Variants in CNTNAP5 observed in about 807,000 individuals in gnomAD.
CNTNAP5 encodes contactin-associated protein-like 5.
CNTNAP5 carries 72 observed loss-of-function variants against 150.2 expected under a neutral mutation model. That is an observed-to-expected ratio of 0.48 (90% CI 0.40 to 0.58). CNTNAP5 has a LOEUF of 0.58. Among genes scored for constraint, CNTNAP5 ranks in the 20% least tolerant of loss-of-function variants. The pLI, the probability that CNTNAP5 is intolerant of heterozygous loss-of-function variation, is 0.00. For synonymous variants in CNTNAP5, 672 were observed against 619.8 expected (o/e 1.08, Z -1.25); for missense variants, 1,636 against 1,626.2 (o/e 1.01, Z -0.10).
At chr2:124,803,448 T>C (rs1358257760) in intron 19 of CNTNAP5, among the ~76,000 whole-genome samples, 1 of 152,228 alleles carries the variant, frequency 6.6e-6, no homozygotes, top group Non-Finnish European at 1.5e-5. Context: ...ATCTTCTTTG[T>C]TGATAGAAAT....
chr2:124,484,041 C>T (rs1022952516), intron 7 of CNTNAP5, among the ~76,000 whole-genome samples: 2 of 152,156 alleles, frequency 1.3e-5, no homozygotes, highest in Non-Finnish European at 2.9e-5. Flanking sequence ...TTTCTTTCAC[C>T]ACAACTCCAG....
intron 3 of CNTNAP5, among the ~76,000 whole-genome samples, chr2:124,250,800 A>G (rs1215639373): frequency 1.4e-5 from 2 of 146,944 alleles, no homozygotes; most frequent in East Asian, 4.0e-4. Flanking sequence ...TCTCTCAAGT[A>G]TTTTTTTTTT....
At chr2:124,552,326 C>T (rs1307408684) in intron 10 of CNTNAP5, among the ~76,000 whole-genome samples, 2 of 152,202 alleles carry the variant, frequency 1.3e-5, no homozygotes, top group Non-Finnish European at 2.9e-5. Flanking sequence ...CACTACACCC[C>T]TCGTGAGTAC....
intron 11 of CNTNAP5, among the ~76,000 whole-genome samples, chr2:124,603,002 TCTCCCTCCCTCC>T (rs55819925): frequency 6.5e-5 from 9 of 137,632 alleles, no homozygotes; most frequent in African/African-American, 1.1e-4. Flanking sequence ...ATCTTCCCTC[TCTCCCTCCCTCC>T]CTCCCTCCCT....
At chr2:124,034,223 G>A (rs764048803) in intron 1 of CNTNAP5, among the ~76,000 whole-genome samples, 9 of 152,172 alleles carry the variant, frequency 5.9e-5, no homozygotes, top group Non-Finnish European at 1.2e-4. Context: ...AAGTCTGTAA[G>A]TATGAGTGGC....
rs76285946 is a variant in CNTNAP5 at position 124,370,560 on chromosome 2, T to A, written c.382-46883T>A. 2.4e-3 allele frequency among the ~76,000 whole-genome samples: 362 copies of A among 152,266 alleles called. 1 individual carries two copies. Among genetic ancestry groups the A allele is most frequent in the African/African-American group, 8.3e-3 (347 of 41,558 alleles). ...TGAGAGAAAACTGAACTCTTGCAGA[T>A]GCAAGATGTTTTAATCTACCTTCCA... On this transcript the variant is annotated intron_variant, in intron 3 of 23. Coordinates refer to ENST00000682447, the MANE Select transcript of CNTNAP5 (RefSeq NM_001367498.1).
intron 1 of CNTNAP5, among the ~76,000 whole-genome samples, chr2:124,153,603 CTTTTTTTTTTTTT>C (rs948493792): frequency 4.7e-5 from 4 of 85,096 alleles, no homozygotes; most frequent in Non-Finnish European, 9.0e-5. Context: ...CCCCCCGGGA[CTTTTTTTTTTTTT>C]TTTTTTTTTT....
At chr2:124,735,140 C>T (rs1272561690) in intron 13 of CNTNAP5, among the ~76,000 whole-genome samples, 1 of 152,118 alleles carries the variant, frequency 6.6e-6, no homozygotes, top group East Asian at 1.9e-4. Context: ...CCCCTTTCCT[C>T]CACAATAATT....
intron 12 of CNTNAP5, among the ~76,000 whole-genome samples, chr2:124,641,476 A>C (rs979478350): frequency 1.3e-5 from 2 of 152,216 alleles, no homozygotes; most frequent in Non-Finnish European, 2.9e-5. Flanking sequence ...AGGGAGAAAC[A>C]TATGAAAAAT....
chr2:124,262,651 G>GTT (rs576536938), intron 3 of CNTNAP5, among the ~76,000 whole-genome samples: 8 of 142,014 alleles, frequency 5.6e-5, no homozygotes, highest in African/African-American at 1.3e-4. Context: ...ACAGCATTCT[G>GTT]TTTTTTTTTT....
At chr2:124,894,102 A>G (rs1167632355) in intron 21 of CNTNAP5, among the ~76,000 whole-genome samples, 1 of 152,148 alleles carries the variant, frequency 6.6e-6, no homozygotes, top group African/African-American at 2.4e-5. Flanking sequence ...TTGCCTACCC[A>G]GCATCCATTT....
chr2:124,519,803 G>A (rs1694811918), intron 8 of CNTNAP5, among the ~76,000 whole-genome samples: 1 of 152,140 alleles, frequency 6.6e-6, no homozygotes, highest in Non-Finnish European at 1.5e-5. Flanking sequence ...TCTCTATGGA[G>A]AAAATTTTCC....
At chr2:124,661,337 TTTAATC>T (rs1205445891) in intron 13 of CNTNAP5, among the ~76,000 whole-genome samples, 6 of 152,294 alleles carry the variant, frequency 3.9e-5, no homozygotes, top group Non-Finnish European at 7.4e-5. Context: ...TTTTTAATCT[TTTAATC>T]TTATTTTTAC....
At chr2:124,257,005 T>C (rs556282965) in intron 3 of CNTNAP5, among the ~76,000 whole-genome samples, 2 of 152,028 alleles carry the variant, frequency 1.3e-5, no homozygotes, top group Non-Finnish European at 2.9e-5. Flanking sequence ...CTAAGACAGG[T>C]CATTTAAAGA....
At chr2:124,159,329 C>G (rs957133597) in intron 1 of CNTNAP5, among the ~76,000 whole-genome samples, 2 of 152,100 alleles carry the variant, frequency 1.3e-5, no homozygotes, top group African/African-American at 2.4e-5. Context: ...GTAAATATTT[C>G]TGGCTTTGCA....
At chr2:124,442,566 G>T (rs1393491309) in intron 5 of CNTNAP5, among the ~76,000 whole-genome samples, 1 of 152,164 alleles carries the variant, frequency 6.6e-6, no homozygotes, top group South Asian at 2.1e-4. Flanking sequence ...AATTTCAGTT[G>T]AAAGTACTTA....
intron 16 of CNTNAP5, among the ~76,000 whole-genome samples, chr2:124,766,863 C>T (rs184250186): frequency 1.4e-4 from 21 of 152,220 alleles, no homozygotes; most frequent in Non-Finnish European, 2.9e-5. Flanking sequence ...AAAATCAAAA[C>T]CCACTGAAGT....
At chr2:124,346,355 T>C (rs1451288642) in intron 3 of CNTNAP5, among the ~76,000 whole-genome samples, 1 of 152,176 alleles carries the variant, frequency 6.6e-6, no homozygotes, top group African/African-American at 2.4e-5. Flanking sequence ...ATTTTAACTA[T>C]AGATAGAGAT....
rs148334943 is a variant in CNTNAP5, at chr2:124,468,221, C to T, written c.919-6518C>T. ...TAAGGAGAATTGACTCACACAATCA[C>T]AAGGTGAAGCCCCATGGTAGGTTGT... On this transcript the variant is annotated intron_variant, in intron 6 of 23. Transcript: ENST00000682447. 2.4e-3 allele frequency among the ~76,000 whole-genome samples: 361 copies of T among 152,218 alleles called. 2 individuals carry two copies. Among genetic ancestry groups the T allele is most frequent in the African/African-American group, 8.2e-3 (341 of 41,552 alleles).
Sources: gnomAD v4.1 joint callset for allele counts (sites outside exome capture counted in the v4.1 genomes callset) on GRCh38, gnomAD v4.1.1 for gene constraint, MANE v1.5 for transcripts, NCBI Gene and HGNC (gene_info 2026-07-23, HGNC 2026-07-21) for gene names.